AMPH: variants seen among roughly 807,000 people sequenced by gnomAD.
AMPH encodes the protein amphiphysin (Stiff-Mann syndrome with breast cancer 128kD autoantigen).
A neutral mutation model predicts 99.1 loss-of-function variants in AMPH; 49 were observed. The observed-to-expected ratio is 0.49, with a 90% confidence interval of 0.39 to 0.63. The LOEUF (loss-of-function observed/expected upper bound fraction) is 0.63, where lower values mean the gene tolerates loss of function less well. Among genes scored for constraint, AMPH ranks in the 20% least tolerant of loss-of-function variants. AMPH has a pLI of 0.00. For synonymous variants in AMPH, 314 were observed against 317.3 expected (o/e 0.99, Z 0.11); for missense variants, 759 against 863.4 (o/e 0.88, Z 1.52).
intron 1 of AMPH, among the ~76,000 whole-genome samples, chr7:38,573,266 TCTA>T (rs1480499252): frequency 6.6e-6 from 1 of 152,196 alleles, no homozygotes; most frequent in Non-Finnish European, 1.5e-5. Flanking sequence ...TTACATGGTT[TCTA>T]CTTTTTCTTT....
intron 1 of AMPH, among the ~76,000 whole-genome samples, chr7:38,613,438 T>C (rs1375984071): frequency 3.3e-5 from 5 of 152,126 alleles, no homozygotes; most frequent in Non-Finnish European, 7.4e-5. Context: ...TTCCAACCAA[T>C]TAGACTAAAA....
intron 1 of AMPH, among the ~76,000 whole-genome samples, chr7:38,574,653 T>A (rs750860447): frequency 2.1e-4 from 32 of 152,204 alleles, no homozygotes; most frequent in Non-Finnish European, 3.8e-4. Context: ...CAGGAGTGAT[T>A]ATCAACATTA....
At chr7:38,432,121 A>G (rs531304497) in intron 13 of AMPH, 68 bp downstream of exon 13, 17 of 1,323,326 alleles carry the variant, frequency 1.3e-5, no homozygotes, top group South Asian at 1.0e-4. Context: ...AATGAAATAA[A>G]ATATAACAAG....
At chr7:38,427,180 AAAAAG>A (rs1412151378) in intron 14 of AMPH, among the ~76,000 whole-genome samples, 194 bp from the exon 15 acceptor site, 1 of 151,908 alleles carries the variant, frequency 6.6e-6, no homozygotes, top group African/African-American at 2.4e-5. Context: ...TGACAAAAAA[AAAAAG>A]AAAGGTTAAT....
chr7:38,501,532 T>G (rs1460422294), intron 3 of AMPH, among the ~76,000 whole-genome samples: 1 of 152,212 alleles, frequency 6.6e-6, no homozygotes, highest in Non-Finnish European at 1.5e-5. Flanking sequence ...TAAAACTACC[T>G]GCCTTATAGA....
At chr7:38,552,310 C>T (rs2129046321) in intron 1 of AMPH, among the ~76,000 whole-genome samples, 1 of 152,322 alleles carries the variant, frequency 6.6e-6, no homozygotes, top group Non-Finnish European at 1.5e-5. Flanking sequence ...GGCATAAGGA[C>T]CAGCTGGCAG....
intron 1 of AMPH, among the ~76,000 whole-genome samples, chr7:38,565,735 C>T (rs1016161226): frequency 2.3e-4 from 35 of 152,178 alleles, no homozygotes; most frequent in Admixed American, 2.0e-3. Context: ...ACAATTCCCA[C>T]GTCAGTGGGA....
chr7:38,546,024 C>T (rs1790984501), intron 1 of AMPH, among the ~76,000 whole-genome samples: 1 of 152,158 alleles, frequency 6.6e-6, no homozygotes, highest in Admixed American at 6.5e-5. Flanking sequence ...GTAATGACTC[C>T]TAGTTGAAGG....
At chr7:38,404,182 C>G (rs551221613) in intron 17 of AMPH, among the ~76,000 whole-genome samples, 1 of 151,808 alleles carries the variant, frequency 6.6e-6, no homozygotes, top group Non-Finnish European at 1.5e-5. Context: ...CACATCCCTG[C>G]CTATCTAGGA....
At chr7:38,432,647 G>T (rs1584083631) in intron 12 of AMPH, among the ~76,000 whole-genome samples, 1 of 151,270 alleles carries the variant, frequency 6.6e-6, no homozygotes, top group South Asian at 2.1e-4. Context: ...AGTAAACAAG[G>T]TGTCCAAATT....
chr7:38,408,908 T>C (rs931345932), intron 17 of AMPH, among the ~76,000 whole-genome samples: 6 of 152,212 alleles, frequency 3.9e-5, no homozygotes, highest in Non-Finnish European at 8.8e-5. Flanking sequence ...AGATGACCAG[T>C]TGATCCATTG....
chr7:38,596,088 T>C (rs1373157389), intron 1 of AMPH, among the ~76,000 whole-genome samples: 3 of 152,188 alleles, frequency 2.0e-5, no homozygotes, highest in Admixed American at 1.3e-4. Flanking sequence ...AGTAATAAGA[T>C]TGCTGGGTCA....
intron 17 of AMPH, among the ~76,000 whole-genome samples, chr7:38,400,511 T>G (rs1247119701): frequency 6.6e-6 from 1 of 152,262 alleles, no homozygotes. Context: ...TGTAATGACA[T>G]GAATGAAATG....
At chr7:38,386,082 A>G (rs1305524164) in intron 20 of AMPH, among the ~76,000 whole-genome samples, 1 of 152,218 alleles carries the variant, frequency 6.6e-6, no homozygotes, top group Non-Finnish European at 1.5e-5. Flanking sequence ...GCTGCCATAT[A>G]GACAAGAAAT....
chr7:38,466,292 A>C (rs1221001206), intron 7 of AMPH, 44 bp from the exon 8 acceptor site: 1 of 1,456,426 alleles, frequency 6.9e-7, no homozygotes, highest in Non-Finnish European at 9.4e-7. Flanking sequence ...AGAGGGAAAG[A>C]CCAGTCAGTA....
At chr7:38,409,529 G>A (rs978786998) in intron 17 of AMPH, among the ~76,000 whole-genome samples, 2 of 152,172 alleles carry the variant, frequency 1.3e-5, no homozygotes, top group African/African-American at 2.4e-5. Context: ...CCCTAGTAGC[G>A]TTCCTTTCAA....
intron 3 of AMPH, among the ~76,000 whole-genome samples, chr7:38,494,980 A>G (rs941903398): frequency 1.3e-5 from 2 of 152,220 alleles, no homozygotes; most frequent in African/African-American, 4.8e-5. Flanking sequence ...ATTATAGGGC[A>G]TAACAGTCAA....
chr7:38,540,720 A>AAAAAAG (rs1790777640), intron 1 of AMPH, among the ~76,000 whole-genome samples: 1 of 146,400 alleles, frequency 6.8e-6, no homozygotes, highest in Non-Finnish European at 1.5e-5. Flanking sequence ...AAAAAAAAAA[A>AAAAAAG]GCTAGTCCTA....
chr7:38,616,206 C>T (rs1452386855), intron 1 of AMPH, among the ~76,000 whole-genome samples: 1 of 151,988 alleles, frequency 6.6e-6, no homozygotes, highest in Non-Finnish European at 1.5e-5. Flanking sequence ...GATTCAAACA[C>T]AAAATGTGGA....
Sources: gnomAD v4.1 joint callset for allele counts (sites outside exome capture counted in the v4.1 genomes callset) on GRCh38, gnomAD v4.1.1 for gene constraint, MANE v1.5 for transcripts, NCBI Gene and HGNC (gene_info 2026-07-23, HGNC 2026-07-21) for gene names.